THEMIS: variants seen among roughly 807,000 people sequenced by gnomAD.
THEMIS encodes protein THEMIS.
A neutral mutation model predicts 52.6 loss-of-function variants in THEMIS; 37 were observed. That is an observed-to-expected ratio of 0.70 (90% CI 0.54 to 0.93). The LOEUF (loss-of-function observed/expected upper bound fraction) is 0.93. THEMIS is among the 40% of genes least tolerant of loss of function. THEMIS has a pLI of 0.00. For missense variants in THEMIS, 808 were observed against 763.1 expected, an observed-to-expected ratio of 1.06 and a Z score of -0.69; for synonymous variants, 292 against 272.7, an observed-to-expected ratio of 1.07 and a Z score of -0.70.
intron 4 of THEMIS, among the ~76,000 whole-genome samples, chr6:127,766,449 G>A (rs948809330): frequency 1.8e-4 from 28 of 152,080 alleles, no homozygotes; most frequent in African/African-American, 6.3e-4. Context: ...AGCCTCCTTT[G>A]TATTCTACTT....
chr6:127,817,137 C>T (rs1000724562), intron 3 of THEMIS, among the ~76,000 whole-genome samples: 2 of 152,084 alleles, frequency 1.3e-5, no homozygotes, highest in South Asian at 2.1e-4. Flanking sequence ...TTTCCCTAAA[C>T]TGAAACATAT....
At chr6:127,870,108 C>T (rs1325691572) in intron 1 of THEMIS, among the ~76,000 whole-genome samples, 1 of 152,192 alleles carries the variant, frequency 6.6e-6, no homozygotes, top group East Asian at 1.9e-4. Flanking sequence ...CACTCCCATT[C>T]GTAAGCACTG....
intron 1 of THEMIS, among the ~76,000 whole-genome samples, chr6:127,860,974 G>T (rs1779779643): frequency 6.6e-6 from 1 of 152,156 alleles, no homozygotes; most frequent in Non-Finnish European, 1.5e-5. Flanking sequence ...AGGGATTTGA[G>T]GGTGTGTGTA....
chr6:127,875,739 A>G (rs1780295292), intron 1 of THEMIS, among the ~76,000 whole-genome samples: 1 of 152,222 alleles, frequency 6.6e-6, no homozygotes, highest in Non-Finnish European at 1.5e-5. Flanking sequence ...TAAAAAGATT[A>G]AAAACAAAAA....
intron 3 of THEMIS, among the ~76,000 whole-genome samples, chr6:127,815,590 GA>G (rs1011088893): frequency 4.6e-5 from 7 of 151,598 alleles, no homozygotes; most frequent in Admixed American, 3.3e-4. Context: ...TTAATTTTTA[GA>G]AAAAAAAGGA....
intron 4 of THEMIS, among the ~76,000 whole-genome samples, chr6:127,731,729 G>A (rs1428334649): frequency 2.3e-5 from 3 of 127,816 alleles, no homozygotes; most frequent in South Asian, 2.4e-4. Flanking sequence ...ATGGAGTCTC[G>A]CTCTGTCGCC....
chr6:127,836,328 G>A (rs1778873733), intron 2 of THEMIS, among the ~76,000 whole-genome samples: 1 of 152,100 alleles, frequency 6.6e-6, no homozygotes, highest in Admixed American at 6.6e-5. Flanking sequence ...CACATGGGAG[G>A]TAAATATTGA....
In THEMIS at chr6:127,813,403, C is replaced by G. The variant is rs769075518; in HGVS notation, c.1238G>C (p.Cys413Ser). 1.2e-6 allele frequency: 2 copies of G among 1,613,528 alleles called. No individual in the cohort carries two copies. The highest frequency in any genetic ancestry group is 1.7e-6 in the Non-Finnish European group (2 of 1,179,738). ...ATAGGACTTTTTGAGGATTTTTTCACAGGCCAGAACATTCACCACTTTTTT... is the reference window on the plus strand; with the variant it reads ...ATAGGACTTTTTGAGGATTTTTTCAGAGGCCAGAACATTCACCACTTTTTT... ...GIKKVVNVLA[C>S]EKILKKSYEA... Residue 413 changes from cysteine to serine, a missense_variant, in exon 4 of 6, where the codon TGT becomes TCT. Transcript: ENST00000368248.
chr6:127,819,109 G>T (rs1456337406), intron 3 of THEMIS, among the ~76,000 whole-genome samples: 2 of 96,922 alleles, frequency 2.1e-5, no homozygotes, highest in Non-Finnish European at 3.7e-5. Flanking sequence ...GAAAGAGTGA[G>T]ACTCTGTCTA....
chr6:127,741,699 C>T (rs1446440965), intron 4 of THEMIS, among the ~76,000 whole-genome samples: 2 of 152,188 alleles, frequency 1.3e-5, no homozygotes, highest in African/African-American at 4.8e-5. Context: ...ATTCTCATAA[C>T]AGAGATCAAA....
chr6:127,770,497 T>G (rs1026396486), intron 4 of THEMIS, among the ~76,000 whole-genome samples: 10 of 152,192 alleles, frequency 6.6e-5, no homozygotes, highest in Non-Finnish European at 1.0e-4. Context: ...TAAATTTGTT[T>G]AAGTTCTTTG....
chr6:127,908,468 A>AT (rs547287450), intron 1 of THEMIS, among the ~76,000 whole-genome samples: 3 of 152,214 alleles, frequency 2.0e-5, no homozygotes, highest in East Asian at 1.9e-4. Context: ...CGATCTGCGT[A>AT]TTTTTTTACA....
chr6:127,834,930 C>T (rs1164469899), intron 2 of THEMIS, among the ~76,000 whole-genome samples: 1 of 152,198 alleles, frequency 6.6e-6, no homozygotes, highest in Non-Finnish European at 1.5e-5. Flanking sequence ...GCACGTCATA[C>T]ATACACTTGT....
At chr6:127,869,433 A>G (rs1780088361) in intron 1 of THEMIS, among the ~76,000 whole-genome samples, 1 of 152,218 alleles carries the variant, frequency 6.6e-6, no homozygotes, top group Non-Finnish European at 1.5e-5. Context: ...ACTGCCCGAC[A>G]TCCAAAGAGA....
chr6:127,917,566 C>T (rs1379655037), intron 1 of THEMIS, among the ~76,000 whole-genome samples: 2 of 152,268 alleles, frequency 1.3e-5, no homozygotes, highest in Admixed American at 6.5e-5. Context: ...GTTTTAGGTA[C>T]TTTTAATCTA....
At position 127,900,882 on chromosome 6, in the gene THEMIS, T is replaced by G. The variant is rs373930416; in HGVS notation, c.51A>C (p.Leu17=). ...EFVHSLDLRT[L]PRVLEIQAGI... ...CTGCCTGGATTTCTAGAACCCTGGG[T>G]AGGGTCCTGAGGTCAAGGGAGTGGA... is the stretch of plus-strand genomic sequence containing the variant. The change falls in exon 1 of 6, where the codon CTA becomes CTC. Residue 17 remains leucine, a synonymous_variant. Coordinates refer to ENST00000368248, the MANE Select transcript of THEMIS (RefSeq NM_001010923.3). The G allele has an allele frequency of 3.7e-6, 6 of 1,613,088 alleles. No individual in the cohort carries two copies. The highest frequency in any genetic ancestry group is 5.1e-6 in the Non-Finnish European group (6 of 1,179,432).
At chr6:127,736,845 A>T (rs1460760914) in intron 4 of THEMIS, among the ~76,000 whole-genome samples, 1 of 137,326 alleles carries the variant, frequency 7.3e-6, no homozygotes, top group African/African-American at 2.6e-5. Flanking sequence ...AGGAAAACCA[A>T]ATGATCAAAA....
intron 4 of THEMIS, among the ~76,000 whole-genome samples, chr6:127,739,489 A>G (rs946802754): frequency 5.9e-5 from 9 of 152,084 alleles, no homozygotes; most frequent in Non-Finnish European, 8.8e-5. Context: ...AAAATACAAA[A>G]AATTAGCCGG....
chr6:127,770,831 T>C lies in THEMIS; in HGVS notation c.1758+42052A>G, dbSNP rs147308276. 9.7e-3 allele frequency among the ~76,000 whole-genome samples: 1,472 copies of C among 152,306 alleles called. 25 individuals are homozygous for C. Among genetic ancestry groups the C allele is most frequent in the African/African-American group, 0.034 (1,404 of 41,558 alleles). On this transcript the variant is annotated intron_variant, in intron 4 of 5. Transcript: ENST00000368248. ...AGGAAGGGATCCAGTTTCAGCTTTC[T>C]CCATATGGCTAGCCAGTTTTCCCAG... is the stretch of plus-strand genomic sequence containing the variant.
Sources: allele counts gnomAD v4.1 joint callset (sites outside exome capture counted in the v4.1 genomes callset), GRCh38; gene constraint gnomAD v4.1.1; transcripts MANE v1.5; gene names NCBI Gene and HGNC (gene_info 2026-07-23, HGNC 2026-07-21).